KIAA1217: variants seen among roughly 807,000 people sequenced by gnomAD.
KIAA1217 encodes KIAA1217.
Under a neutral mutation model 163.9 loss-of-function variants are expected in KIAA1217, and 88 were observed. The ratio of observed to expected loss-of-function variants is 0.54; its 90% CI spans 0.45 to 0.64. KIAA1217 has a LOEUF of 0.64. Ranked by LOEUF, KIAA1217 falls within the 30% of genes least tolerant of loss-of-function variation. The pLI is 0.00. For missense variants in KIAA1217, 2,372 were observed against 2,475.0 expected, an observed-to-expected ratio of 0.96 and a Z score of 0.88; for synonymous variants, 903 against 923.1, an observed-to-expected ratio of 0.98 and a Z score of 0.39.
chr10:24,235,556 G>A (rs879503609), intron 2 of KIAA1217, among the ~76,000 whole-genome samples: 2 of 152,192 alleles, frequency 1.3e-5, no homozygotes, highest in Non-Finnish European at 2.9e-5. Context: ...TCGGATTGCA[G>A]CTATTTCTTA....
At chr10:23,948,461 T>C (rs747387619) in intron 1 of KIAA1217, among the ~76,000 whole-genome samples, 2 of 152,238 alleles carry the variant, frequency 1.3e-5, no homozygotes, top group Non-Finnish European at 2.9e-5. Context: ...TGCCACTTTG[T>C]TAACTACATA....
intron 2 of KIAA1217, among the ~76,000 whole-genome samples, chr10:24,248,298 C>CA (rs2074056040): frequency 6.6e-6 from 1 of 152,134 alleles, no homozygotes; most frequent in African/African-American, 2.4e-5. Context: ...CTGGAATTAT[C>CA]AACAAAAGAA....
intron 3 of KIAA1217, among the ~76,000 whole-genome samples, chr10:24,404,364 G>T (rs970144874): frequency 6.6e-6 from 1 of 151,950 alleles, no homozygotes; most frequent in Non-Finnish European, 1.5e-5. Context: ...GTCGGGAGAT[G>T]GAGACCCTCC....
At chr10:23,953,673 T>G (rs7916717) in intron 1 of KIAA1217, among the ~76,000 whole-genome samples, 2,185 of 152,350 alleles carry the variant, frequency 0.014, 57 homozygotes, top group African/African-American at 0.051. Context: ...AATAGTAGTT[T>G]CTACTTTATA....
intron 2 of KIAA1217, among the ~76,000 whole-genome samples, chr10:24,272,008 G>T (rs1036193141): frequency 4.6e-5 from 7 of 152,094 alleles, no homozygotes; most frequent in Non-Finnish European, 8.8e-5. Context: ...AAAGCCCATG[G>T]GATGCTCGTG....
At chr10:24,461,621 G>T (rs1044316661) in intron 5 of KIAA1217, among the ~76,000 whole-genome samples, 4 of 152,170 alleles carry the variant, frequency 2.6e-5, no homozygotes, top group African/African-American at 9.7e-5. Context: ...CTCCCACAGT[G>T]CTGGGATTAC....
intron 2 of KIAA1217, among the ~76,000 whole-genome samples, chr10:24,250,983 T>A (rs974407988): frequency 2.0e-5 from 3 of 151,538 alleles, no homozygotes; most frequent in East Asian, 4.0e-4. Flanking sequence ...TCACAGCACT[T>A]TGGGAGGCTG....
intron 5 of KIAA1217, among the ~76,000 whole-genome samples, chr10:24,443,436 C>T (rs1045339404): frequency 6.6e-6 from 1 of 152,162 alleles, no homozygotes; most frequent in African/African-American, 2.4e-5. Context: ...ATCTCATTCT[C>T]CTGTTCTCTT....
At chr10:24,323,037 A>G (rs2044376083) in intron 2 of KIAA1217, among the ~76,000 whole-genome samples, 1 of 152,208 alleles carries the variant, frequency 6.6e-6, no homozygotes, top group Non-Finnish European at 1.5e-5. Flanking sequence ...TACAGCCTCA[A>G]GTTCCTGGGC....
chr10:23,718,645 A>T lies in KIAA1217; in HGVS notation c.-321+23411A>T, dbSNP rs200662371. Among the ~76,000 whole-genome samples the T allele has an allele frequency of 8.5e-5, 13 of 152,294 alleles. No individual in the cohort carries two copies. The East Asian group carries it at 1.7e-3, about 20-fold the overall frequency. On this transcript the variant is annotated intron_variant, in intron 1 of 18. Coordinates refer to the KIAA1217 transcript ENST00000376462. ...AAAGCAAGGAAAAACTAAAAAAAAA[A>T]AACTTTTACAGAGATCTGTTTAGTG...
At chr10:24,114,457 C>A (rs1244797239) in intron 2 of KIAA1217, among the ~76,000 whole-genome samples, 1 of 152,018 alleles carries the variant, frequency 6.6e-6, no homozygotes, top group Non-Finnish European at 1.5e-5. Context: ...ACTTACAGAC[C>A]CCCCCTGTTG....
rs1169710374 is a variant in KIAA1217 at position 24,090,691 on chromosome 10, T to A, written c.-171+83317T>A. Among the ~76,000 whole-genome samples, 8 of 151,854 alleles carry A rather than the reference T, an allele frequency of 5.3e-5. No individual in the cohort carries two copies. The South Asian group carries it at 1.7e-3, about 32-fold the overall frequency. Reference sequence around the variant, plus strand: ...GCATAGACCAACTTCTCTGTAAAAGTCTGCAAATGAGTCAAAATCAAGCAA... The same window carrying A: ...GCATAGACCAACTTCTCTGTAAAAGACTGCAAATGAGTCAAAATCAAGCAA... On this transcript the variant is annotated intron_variant, in intron 2 of 18. Coordinates refer to the KIAA1217 transcript ENST00000376462.
intron 5 of KIAA1217, among the ~76,000 whole-genome samples, chr10:24,440,154 A>G (rs2060371404): frequency 6.6e-6 from 1 of 152,238 alleles, no homozygotes; most frequent in Non-Finnish European, 1.5e-5. Context: ...TGTGACTTGA[A>G]TTGAAAGCTG....
At chr10:23,827,277 A>G (rs1366011940) in intron 1 of KIAA1217, among the ~76,000 whole-genome samples, 2 of 152,182 alleles carry the variant, frequency 1.3e-5, no homozygotes, top group Non-Finnish European at 2.9e-5. Context: ...GTGAAGACAA[A>G]GTTGAGAACC....
At chr10:24,238,253 C>G (rs555741895) in intron 2 of KIAA1217, among the ~76,000 whole-genome samples, 175 of 152,318 alleles carry the variant, frequency 1.1e-3, no homozygotes, top group African/African-American at 4.2e-3. Flanking sequence ...CTCTGAAGAA[C>G]TTTGTACTGT....
intron 1 of KIAA1217, among the ~76,000 whole-genome samples, chr10:23,825,294 T>A (rs1837847696): frequency 6.6e-6 from 1 of 152,240 alleles, no homozygotes; most frequent in Non-Finnish European, 1.5e-5. Flanking sequence ...ACGCTCATTA[T>A]CTCTTAGATG....
At chr10:23,724,645 G>A (rs1188974586) in intron 1 of KIAA1217, among the ~76,000 whole-genome samples, 3 of 152,090 alleles carry the variant, frequency 2.0e-5, no homozygotes, top group Non-Finnish European at 4.4e-5. Context: ...ATCCCTAAAG[G>A]CAAAAGAGAA....
chr10:24,006,640 A>G (rs147736846), intron 1 of KIAA1217, among the ~76,000 whole-genome samples: 46 of 152,300 alleles, frequency 3.0e-4, no homozygotes, highest in African/African-American at 1.0e-3. Context: ...TAGGCTTCAA[A>G]ATTCCATTTA....
intron 2 of KIAA1217, among the ~76,000 whole-genome samples, chr10:24,267,819 A>G (rs1261223305): frequency 6.6e-6 from 1 of 152,248 alleles, no homozygotes; most frequent in Admixed American, 6.5e-5. Flanking sequence ...TGGCCTAGAA[A>G]CAACTGCATA....
Sources: gnomAD v4.1 joint callset for allele counts (sites outside exome capture counted in the v4.1 genomes callset) on GRCh38, gnomAD v4.1.1 for gene constraint, MANE v1.5 for transcripts, NCBI Gene and HGNC (gene_info 2026-07-23, HGNC 2026-07-21) for gene names.